SLTM: variants seen among roughly 807,000 people sequenced by gnomAD.
SLTM encodes SAFB like transcription modulator.
A neutral mutation model predicts 134.6 loss-of-function variants in SLTM; 43 were observed. The observed-to-expected ratio is 0.32, with a 90% CI of 0.25 to 0.41. SLTM has a LOEUF of 0.41. Among genes scored for constraint, SLTM ranks in the 10% least tolerant of loss-of-function variants. The pLI, the probability that SLTM is intolerant of heterozygous loss-of-function variation, is 1.00. For missense variants in SLTM, 1,055 were observed against 1,288.8 expected, an observed-to-expected ratio of 0.82 and a Z score of 2.78; for synonymous variants, 424 against 432.3, an observed-to-expected ratio of 0.98 and a Z score of 0.24.
intron 9 of SLTM, among the ~76,000 whole-genome samples, chr15:58,894,982 A>G (rs1195979052): frequency 6.6e-6 from 1 of 152,156 alleles, no homozygotes; most frequent in Non-Finnish European, 1.5e-5. Context: ...TGGGATTACA[A>G]GCATGAGCCA....
At chr15:58,932,515 A>T in intron 1 of SLTM, 72 bp from the exon 2 acceptor site, 2 of 1,183,854 alleles carry the variant, frequency 1.7e-6, no homozygotes. Context: ...AAATGAAAAA[A>T]AATTTAGCAA....
intron 2 of SLTM, among the ~76,000 whole-genome samples, chr15:58,927,565 T>C (rs1460183353): frequency 6.6e-6 from 1 of 152,210 alleles, no homozygotes; most frequent in Non-Finnish European, 1.5e-5. Flanking sequence ...GCCATGCGCC[T>C]GGCCCAAAAG....
At chr15:58,893,420 ATATG>A in intron 12 of SLTM, 56 bp from the exon 13 acceptor site, 1 of 1,232,586 alleles carries the variant, frequency 8.1e-7, no homozygotes, top group Admixed American at 2.2e-5. Flanking sequence ...GAGAAAGAAA[ATATG>A]TATGTAAAAA....
chr15:58,899,290 GCATT>G lies in SLTM; in HGVS notation c.1058+175_1058+178del. 1 of 592,836 alleles carries G rather than the reference GCATT, an allele frequency of 1.7e-6. No homozygotes were observed. Among genetic ancestry groups the G allele is most frequent in the South Asian group, 2.3e-5 (1 of 43,898 alleles). The allele number at this position is 592,836 out of a possible 1,614,324, so 36.7% of individuals were successfully genotyped here. On this transcript the variant is annotated intron_variant, in intron 7 of 20. Coordinates refer to ENST00000380516, the MANE Select transcript of SLTM (RefSeq NM_024755.4). The surrounding 1 kb of genome is among the most constrained non-coding windows in gnomAD (Gnocchi z 5.0). ...GACAATGCAATCAGTAGAACACACT[GCATT>G]ATTATGAAGATCTTGAAAATTTTTA...
intron 2 of SLTM, among the ~76,000 whole-genome samples, chr15:58,923,339 CAG>C (rs1281079910): frequency 6.6e-6 from 1 of 152,098 alleles, no homozygotes; most frequent in African/African-American, 2.4e-5. Context: ...ATCTGGGTGA[CAG>C]AGTGAGACTC....
chr15:58,885,196 G>A (rs929063138), intron 19 of SLTM, among the ~76,000 whole-genome samples: 8 of 152,182 alleles, frequency 5.3e-5, no homozygotes, highest in African/African-American at 1.9e-4. Context: ...GGAAAACAGA[G>A]TAGCAAACAC....
chr15:58,889,533 G>T lies in SLTM; in HGVS notation c.2101C>A (p.Arg701=). The T allele has an allele frequency of 6.2e-7, 1 of 1,613,952 alleles. No individual in the cohort carries two copies. The highest frequency in any genetic ancestry group is 1.3e-5 in the African/African-American group (1 of 75,022). ...IEQERRKEAE[R]IAREREELRR... ...AGTTCCTCTCTTTCTCGAGCAATCCGTTCAGCTTCCTTACGACGTTCCTTC... is the reference window on the plus strand; with the variant it reads ...AGTTCCTCTCTTTCTCGAGCAATCCTTTCAGCTTCCTTACGACGTTCCTTC... The change falls in exon 16 of 21, where the codon CGG becomes AGG. Residue 701 remains arginine (R), a synonymous_variant. Transcript: ENST00000380516.
At position 58,889,305 on chromosome 15, in the gene SLTM, T is replaced by C. The variant is rs1474990524; in HGVS notation, c.2204+125A>G. ...GGGTCTACCCCAGTACTGTAATCCT[T>C]CCCATCCCTGTTGATCATGACTTTT... On this transcript the variant is annotated intron_variant, in intron 16 of 20. Transcript: ENST00000380516. 9.4e-6 allele frequency: 12 copies of C among 1,270,850 alleles called. No individual in the cohort carries two copies. The African/African-American group carries it at 1.8e-4, about 19-fold the overall frequency. 78.7% of individuals were successfully genotyped at this position (1,270,850 alleles called of 1,614,324 possible).
At chr15:58,892,305 G>C (rs1173440716) in intron 14 of SLTM, among the ~76,000 whole-genome samples, 3 of 152,150 alleles carry the variant, frequency 2.0e-5, no homozygotes, top group African/African-American at 4.8e-5. Context: ...ATCTTGCTTT[G>C]TTTATATTTT....
chr15:58,927,387 G>T (rs551918713), intron 2 of SLTM, among the ~76,000 whole-genome samples: 1 of 151,872 alleles, frequency 6.6e-6, no homozygotes, highest in Admixed American at 6.6e-5. Flanking sequence ...CTCCTGCCTC[G>T]GCCTCCCAAG....
intron 19 of SLTM, among the ~76,000 whole-genome samples, chr15:58,884,405 G>A (rs963030278): frequency 1.2e-4 from 18 of 151,974 alleles, no homozygotes; most frequent in African/African-American, 2.9e-4. Flanking sequence ...TGCAACCTCC[G>A]CCCCCCGGAT....
intron 5 of SLTM, 44 bp downstream of exon 5, chr15:58,912,519 G>A (rs371472587): frequency 1.1e-5 from 17 of 1,507,010 alleles, no homozygotes; most frequent in South Asian, 5.6e-5. Flanking sequence ...TTCCAAGCCC[G>A]TCCACCCACA....
intron 20 of SLTM, 144 bp downstream of exon 20, chr15:58,883,482 G>A: frequency 9.8e-7 from 1 of 1,019,584 alleles, no homozygotes; most frequent in South Asian, 1.5e-5. Context: ...CTCTTTTGGA[G>A]ACTACGGGTT....
rs899953148 is a variant in SLTM at position 58,933,257 on chromosome 15, C to A, written c.162+147G>T. ...CGCGGAAGGGTCCCCGTCCTCCACG[C>A]TCGCGGGAGCCGCCCCTGGCCTCCC... is the stretch of plus-strand genomic sequence containing the variant. On this transcript the variant is annotated intron_variant, in intron 1 of 20. Coordinates refer to ENST00000380516, the MANE Select transcript of SLTM (RefSeq NM_024755.4). 13 of 790,162 alleles carry A rather than the reference C, an allele frequency of 1.6e-5. No homozygotes were observed. The African/African-American group carries it at 1.7e-4, about 10-fold the overall frequency. 48.9% of individuals were successfully genotyped at this position (790,162 alleles called of 1,614,324 possible).
In SLTM at chr15:58,887,307, G is replaced by A. The variant is rs773450031; in HGVS notation, c.2609C>T (p.Pro870Leu). Reference protein sequence around the residue: ...DRPDITHPRHPREAGPNPSRP... With the variant: ...DRPDITHPRHLREAGPNPSRP... ...GGAAGGATTGGGCCCTGCCTCTCGA[G>A]GATGTCTAGGATGAGTGATATCAGG... Residue 870 changes from proline to leucine, a missense_variant, in exon 18 of 21, where the codon CCT (proline) becomes CTT (leucine). Pro to Leu is a moderately conservative substitution (Grantham distance 98). Transcript: ENST00000380516. 2 of 1,614,086 alleles carry A rather than the reference G, an allele frequency of 1.2e-6. No individual in the cohort carries two copies. Among genetic ancestry groups the A allele is most frequent in the Admixed American group, 3.3e-5 (2 of 60,008 alleles).
chr15:58,922,324 C>A (rs1254704008), intron 2 of SLTM, among the ~76,000 whole-genome samples: 2 of 129,014 alleles, frequency 1.6e-5, no homozygotes, highest in Non-Finnish European at 3.1e-5. Context: ...TTGCAGTGAG[C>A]CGAGATCATG....
rs1264446959 is a variant in SLTM, at chr15:58,917,012, G to C, written c.251-13C>G. 1.2e-6 allele frequency: 2 copies of C among 1,612,426 alleles called. No homozygotes were observed. Among genetic ancestry groups the C allele is most frequent in the Non-Finnish European group, 1.7e-6 (2 of 1,179,008 alleles). ...TCATGTTTTTTACCTGCGAAAGAAG[G>C]AAAATGGGCTAACAACCAATATTTT... On this transcript the variant is annotated splice_polypyrimidine_tract_variant and intron_variant, in intron 2 of 20. Transcript: ENST00000380516.
At chr15:58,919,517 T>G (rs1428258614) in intron 2 of SLTM, among the ~76,000 whole-genome samples, 1 of 151,870 alleles carries the variant, frequency 6.6e-6, no homozygotes, top group Non-Finnish European at 1.5e-5. Flanking sequence ...GGAGGACTGC[T>G]TGAACCCAGG....
intron 1 of SLTM, among the ~76,000 whole-genome samples, chr15:58,932,740 T>C (rs1208107716): frequency 6.6e-6 from 1 of 152,252 alleles, no homozygotes; most frequent in Non-Finnish European, 1.5e-5. Context: ...GCAGAAAAGT[T>C]GCTAGCTACT....
Sources: gnomAD v4.1 joint callset for allele counts (sites outside exome capture counted in the v4.1 genomes callset) on GRCh38, gnomAD v4.1.1 for gene constraint, Gnocchi (gnomAD v3.1) non-coding constraint, MANE v1.5 for transcripts, NCBI Gene and HGNC (gene_info 2026-07-23, HGNC 2026-07-21) for gene names.